The following PTPRT variants were observed in gnomAD, a reference collection of about 807,000 sequenced individuals.
PTPRT encodes the protein receptor-type tyrosine-protein phosphatase T.
In PTPRT, 56 loss-of-function variants were observed where a neutral mutation model predicts 176.8. The observed-to-expected ratio is 0.32, with a 90% CI of 0.26 to 0.40. The LOEUF is 0.40. Among genes scored for constraint, PTPRT ranks in the 10% least tolerant of loss-of-function variants. The probability of loss-of-function intolerance (pLI) is 1.00; values close to 1 mark genes in which losing one functional copy is unlikely to be tolerated. For missense variants in PTPRT, 1,540 were observed against 1,908.2 expected (o/e 0.81, Z 3.60); for synonymous variants, 783 against 739.0 (o/e 1.06, Z -0.96).
intron 1 of PTPRT, among the ~76,000 whole-genome samples, chr20:43,018,240 G>A (rs1275191174): frequency 6.6e-6 from 1 of 152,106 alleles, no homozygotes; most frequent in Non-Finnish European, 1.5e-5. Context: ...AGAGGAATAA[G>A]AAATAAAGGC....
intron 7 of PTPRT, among the ~76,000 whole-genome samples, chr20:42,657,043 T>C (rs1600559774): frequency 1.3e-5 from 2 of 152,152 alleles, no homozygotes; most frequent in Non-Finnish European, 1.5e-5. Flanking sequence ...AATTGAATCA[T>C]GGGAGTGGTT....
At chr20:42,309,190 A>G (rs960455538) in intron 12 of PTPRT, among the ~76,000 whole-genome samples, 11 of 152,206 alleles carry the variant, frequency 7.2e-5, no homozygotes, top group Non-Finnish European at 1.5e-5. Flanking sequence ...GTGGCTTCTG[A>G]TGGATATTTG....
intron 1 of PTPRT, among the ~76,000 whole-genome samples, chr20:43,072,345 C>A (rs150789243): frequency 2.0e-5 from 3 of 152,290 alleles, no homozygotes; most frequent in Non-Finnish European, 2.9e-5. Context: ...AGATTAATAA[C>A]CCTTGTAATT....
chr20:42,390,630 A>G (rs2058791832), intron 9 of PTPRT, among the ~76,000 whole-genome samples: 1 of 152,150 alleles, frequency 6.6e-6, no homozygotes, highest in South Asian at 2.1e-4. Flanking sequence ...TAACATACTG[A>G]GGCCTCTGAC....
rs1339099628 is a variant in PTPRT, at chr20:42,678,135, G to T, written c.884C>A (p.Pro295Gln). Residue 295 changes from proline (P) to glutamine (Q), a missense_variant, in exon 7 of 31, where the codon CCA becomes CAA. Coordinates refer to ENST00000373187, the MANE Select transcript of PTPRT (RefSeq NM_007050.6). ...VKEPPTPIAP[P>Q]ELLAVGATYL... is the part of the protein sequence containing the mutation. ...TGTGGCCCCCACAGCCAGCAGCTCT[G>T]GGGGAGCAATGGGCGTGGGAGGCTC... The T allele has an allele frequency of 1.2e-6, 2 of 1,613,846 alleles. No individual in the cohort carries two copies. The highest frequency in any genetic ancestry group is 1.7e-5 in the Admixed American group (1 of 60,020).
At chr20:42,393,650 T>C (rs1171829002) in intron 9 of PTPRT, among the ~76,000 whole-genome samples, 2 of 152,198 alleles carry the variant, frequency 1.3e-5, no homozygotes, top group African/African-American at 4.8e-5. Context: ...ATATTTATTG[T>C]AGTATTTATG....
At chr20:43,113,853 G>A (rs2012957008) in intron 1 of PTPRT, among the ~76,000 whole-genome samples, 1 of 152,182 alleles carries the variant, frequency 6.6e-6, no homozygotes, top group African/African-American at 2.4e-5. Flanking sequence ...GAAACAACAG[G>A]CAGTGAGTTA....
chr20:42,940,586 T>C (rs6093761), intron 1 of PTPRT, among the ~76,000 whole-genome samples: 1 of 152,004 alleles, frequency 6.6e-6, no homozygotes, highest in Non-Finnish European at 1.5e-5. Context: ...ACGTGAGTGA[T>C]ACAGTCATAT....
intron 1 of PTPRT, among the ~76,000 whole-genome samples, chr20:43,014,539 C>T (rs1032713091): frequency 5.9e-5 from 9 of 152,108 alleles, no homozygotes; most frequent in Non-Finnish European, 8.8e-5. Flanking sequence ...CATGACCAGA[C>T]GAGGAGAATT....
At chr20:43,068,999 G>C (rs1405708455) in intron 1 of PTPRT, among the ~76,000 whole-genome samples, 2 of 152,182 alleles carry the variant, frequency 1.3e-5, no homozygotes, top group Non-Finnish European at 2.9e-5. Flanking sequence ...CTGGATAAGT[G>C]AGGTCATGAA....
chr20:42,607,264 T>C (rs2073895498), intron 7 of PTPRT: 1 of 152,152 alleles, frequency 6.6e-6, no homozygotes, highest in African/African-American at 2.4e-5. Context: ...TGGAGATGGA[T>C]GGTGTGAAGG....
intron 7 of PTPRT, among the ~76,000 whole-genome samples, chr20:42,620,980 T>C (rs1169183013): frequency 6.6e-6 from 1 of 152,048 alleles, no homozygotes; most frequent in African/African-American, 2.4e-5. Context: ...AACTTTCGTT[T>C]TTAAAACCAT....
At chr20:42,967,473 G>A (rs555401910) in intron 1 of PTPRT, among the ~76,000 whole-genome samples, 31 of 152,182 alleles carry the variant, frequency 2.0e-4, no homozygotes, top group Non-Finnish European at 3.7e-4. Flanking sequence ...CACAAAGAAC[G>A]CTGACAGCCA....
At chr20:42,965,098 A>G (rs946218637) in intron 1 of PTPRT, among the ~76,000 whole-genome samples, 1 of 152,208 alleles carries the variant, frequency 6.6e-6, no homozygotes, top group Non-Finnish European at 1.5e-5. Flanking sequence ...GCTTTTTCAT[A>G]TAACCCCACC....
At chr20:42,179,531 T>G (rs1990429457) in intron 16 of PTPRT, among the ~76,000 whole-genome samples, 1 of 152,164 alleles carries the variant, frequency 6.6e-6, no homozygotes, top group South Asian at 2.1e-4. Flanking sequence ...CCAATTCCAG[T>G]AATAAAACGC....
At position 42,304,422 on chromosome 20, in the gene PTPRT, C is replaced by T. The variant is rs1272095227; in HGVS notation, c.2139+11301G>A. ...TGGATGTTTATTGCATGCCAAGCCC[C>T]GTGATAAGTGTTTTATTCATCTTAT... On this transcript the variant is annotated intron_variant, in intron 12 of 30. Transcript: ENST00000373187. Among the ~76,000 whole-genome samples, 7 of 152,106 alleles carry T rather than the reference C, an allele frequency of 4.6e-5. No individual in the cohort carries two copies. The South Asian group carries it at 6.3e-4, about 14-fold the overall frequency.
intron 6 of PTPRT, among the ~76,000 whole-genome samples, chr20:42,705,037 CT>C (rs1454288540): frequency 6.6e-6 from 1 of 152,054 alleles, no homozygotes; most frequent in Non-Finnish European, 1.5e-5. Flanking sequence ...GAAACCCCAT[CT>C]CTACTAAAAA....
At chr20:42,817,447 A>T (rs1349139486) in intron 2 of PTPRT, among the ~76,000 whole-genome samples, 3 of 151,200 alleles carry the variant, frequency 2.0e-5, no homozygotes, top group African/African-American at 7.3e-5. Flanking sequence ...ATCAATGTGT[A>T]CACAATAATA....
intron 15 of PTPRT, among the ~76,000 whole-genome samples, chr20:42,215,088 T>C (rs2055736975): frequency 6.6e-6 from 1 of 152,206 alleles, no homozygotes; most frequent in Non-Finnish European, 1.5e-5. Flanking sequence ...TGTTACATAA[T>C]AGGTGATAAG....
Sources: allele counts gnomAD v4.1 joint callset (sites outside exome capture counted in the v4.1 genomes callset), GRCh38; gene constraint gnomAD v4.1.1; transcripts MANE v1.5; gene names NCBI Gene and HGNC (gene_info 2026-07-23, HGNC 2026-07-21).